The following ULK4 variants were observed in gnomAD, a reference collection of about 807,000 sequenced individuals.
ULK4 encodes the protein inactive serine/threonine-protein kinase ULK4.
A neutral mutation model predicts 160.6 loss-of-function variants in ULK4; 133 were observed. The observed-to-expected ratio is 0.83, with a 90% CI of 0.72 to 0.96. The LOEUF is 0.96. ULK4 is among the 40% of genes least tolerant of loss of function. ULK4 has a pLI of 0.00. For missense variants in ULK4, 1,580 were observed against 1,499.5 expected, an observed-to-expected ratio of 1.05 and a Z score of -0.89; for synonymous variants, 534 against 539.8, an observed-to-expected ratio of 0.99 and a Z score of 0.15.
intron 16 of ULK4, 23 bp from the exon 17 acceptor site, chr3:41,883,975 C>T (rs1697624653): frequency 6.4e-7 from 1 of 1,561,864 alleles, no homozygotes; most frequent in Non-Finnish European, 8.8e-7. Context: ...AGAAAACAGG[C>T]TCTGAAAAGA....
At chr3:41,805,982 G>A (rs1351271731) in intron 19 of ULK4, among the ~76,000 whole-genome samples, 5 of 144,534 alleles carry the variant, frequency 3.5e-5, no homozygotes, top group Non-Finnish European at 6.1e-5. Flanking sequence ...TTGGTATCAG[G>A]ATGATGCTGG....
chr3:41,845,548 G>T (rs1379315373), intron 17 of ULK4, among the ~76,000 whole-genome samples: 4 of 152,136 alleles, frequency 2.6e-5, no homozygotes, highest in Non-Finnish European at 5.9e-5. Flanking sequence ...AGAGGATAGG[G>T]TCATAAAAAG....
chr3:41,575,406 G>T (rs1366681154), intron 31 of ULK4, among the ~76,000 whole-genome samples: 1 of 152,146 alleles, frequency 6.6e-6, no homozygotes, highest in Non-Finnish European at 1.5e-5. Flanking sequence ...GGCTCTGACA[G>T]GGGCTGAGGA....
intron 30 of ULK4, among the ~76,000 whole-genome samples, chr3:41,663,175 C>G (rs867675494): frequency 1.3e-5 from 2 of 151,524 alleles, no homozygotes; most frequent in Admixed American, 6.6e-5. Flanking sequence ...GAGCCAAGAT[C>G]ACACCATTGC....
chr3:41,728,735 A>G (rs2037731227), intron 22 of ULK4, among the ~76,000 whole-genome samples: 1 of 152,226 alleles, frequency 6.6e-6, no homozygotes, highest in African/African-American at 2.4e-5. Flanking sequence ...AAAGTACTTC[A>G]AGAAGGAAAC....
At chr3:41,887,427 T>C (rs1294513747) in intron 16 of ULK4, among the ~76,000 whole-genome samples, 1 of 152,226 alleles carries the variant, frequency 6.6e-6, no homozygotes, top group East Asian at 1.9e-4. Context: ...ATTATTAGAA[T>C]TCCCTAAGGC....
chr3:41,361,907 T>G (rs17056346), intron 35 of ULK4, among the ~76,000 whole-genome samples: 5,887 of 152,272 alleles, frequency 0.039, 301 homozygotes, highest in East Asian at 0.19. Context: ...AACAAGATAA[T>G]TGAGGCTTTA....
At chr3:41,578,337 T>C (rs980305733) in intron 31 of ULK4, among the ~76,000 whole-genome samples, 5 of 152,228 alleles carry the variant, frequency 3.3e-5, no homozygotes, top group Non-Finnish European at 7.3e-5. Context: ...CATGATCATA[T>C]TTCTGTTCCC....
At chr3:41,345,519 C>T (rs1345074537) in intron 35 of ULK4, among the ~76,000 whole-genome samples, 2 of 152,118 alleles carry the variant, frequency 1.3e-5, no homozygotes, top group African/African-American at 4.8e-5. Flanking sequence ...AAAACTAATG[C>T]AGAAAGAGAA....
intron 22 of ULK4, among the ~76,000 whole-genome samples, chr3:41,735,687 T>TTTATTATTATTATTATTC (rs1553641852): frequency 2.1e-5 from 3 of 144,494 alleles, no homozygotes; most frequent in African/African-American, 7.7e-5. Context: ...CTAAGTCCAT[T>TTTATTATTATTATTATTC]TTATTATTAT....
At chr3:41,810,337 T>C (rs1365539263) in intron 19 of ULK4, among the ~76,000 whole-genome samples, 4 of 152,250 alleles carry the variant, frequency 2.6e-5, no homozygotes, top group African/African-American at 4.8e-5. Context: ...CCATTATTGT[T>C]ACTATATAGA....
At chr3:41,493,476 A>G (rs1404750577) in intron 32 of ULK4, among the ~76,000 whole-genome samples, 10 of 127,506 alleles carry the variant, frequency 7.8e-5, no homozygotes, top group East Asian at 4.0e-4. Flanking sequence ...AGAGAAAGCA[A>G]GAAAGATCCA....
chr3:41,817,647 G>C (rs2041015331), intron 19 of ULK4, among the ~76,000 whole-genome samples: 2 of 152,062 alleles, frequency 1.3e-5, no homozygotes, highest in South Asian at 4.2e-4. Flanking sequence ...AGGGAATAAG[G>C]GCTGAAAAAC....
rs1367017235 is a variant in ULK4 at position 41,676,141 on chromosome 3, T to C, written c.2978+5367A>G. On this transcript the variant is annotated intron_variant, in intron 29 of 36. Transcript: ENST00000301831. ...GGAGCTGTGACCTAATAAATGGGCATTGATATAAGCCACCAAGTTCATGGT... is the reference window on the plus strand; with the variant it reads ...GGAGCTGTGACCTAATAAATGGGCACTGATATAAGCCACCAAGTTCATGGT... Among the ~76,000 whole-genome samples, 3 of 152,198 alleles carry C rather than the reference T, an allele frequency of 2.0e-5. No individual in the cohort carries two copies. The South Asian group carries it at 6.2e-4, about 32-fold the overall frequency.
At chr3:41,884,151 C>G (rs1023851493) in intron 16 of ULK4, among the ~76,000 whole-genome samples, 199 bp from the exon 17 acceptor site, 6 of 152,090 alleles carry the variant, frequency 3.9e-5, no homozygotes, top group African/African-American at 1.4e-4. Flanking sequence ...AGACACGAAC[C>G]GTAATGTCCG....
chr3:41,411,054 C>G (rs1316679953), intron 34 of ULK4, among the ~76,000 whole-genome samples: 1 of 151,632 alleles, frequency 6.6e-6, no homozygotes, highest in African/African-American at 2.4e-5. Flanking sequence ...AACAATGTAC[C>G]CCAAAACACA....
At chr3:41,534,354 C>A (rs974618780) in intron 32 of ULK4, among the ~76,000 whole-genome samples, 1 of 151,928 alleles carries the variant, frequency 6.6e-6, no homozygotes, top group Non-Finnish European at 1.5e-5. Flanking sequence ...CTGGTAAAAC[C>A]GAAGCTGGAA....
intron 18 of ULK4, among the ~76,000 whole-genome samples, chr3:41,829,960 G>A (rs1341268541): frequency 2.0e-5 from 3 of 151,844 alleles, no homozygotes; most frequent in Non-Finnish European, 4.4e-5. Context: ...GGAATACTAT[G>A]CAGCCATAAA....
At chr3:41,873,795 C>T (rs1452258147) in intron 17 of ULK4, among the ~76,000 whole-genome samples, 1 of 151,978 alleles carries the variant, frequency 6.6e-6, no homozygotes, top group Non-Finnish European at 1.5e-5. Flanking sequence ...TCAGGTGATC[C>T]ACCTGCCTCA....
Sources: allele counts gnomAD v4.1 joint callset (sites outside exome capture counted in the v4.1 genomes callset), GRCh38; gene constraint gnomAD v4.1.1; transcripts MANE v1.5; gene names NCBI Gene and HGNC (gene_info 2026-07-23, HGNC 2026-07-21).